CSMD1: variants seen among roughly 807,000 people sequenced by gnomAD.
CSMD1 encodes CUB and sushi domain-containing protein 1.
A neutral mutation model predicts 417.5 loss-of-function variants in CSMD1; 213 were observed. That is an observed-to-expected ratio of 0.51 (90% confidence interval 0.46 to 0.57). The LOEUF (loss-of-function observed/expected upper bound fraction) is 0.57, where lower values mean the gene tolerates loss of function less well. Ranked by LOEUF, CSMD1 falls within the 20% of genes least tolerant of loss-of-function variation. The probability of loss-of-function intolerance (pLI) is 0.00; values close to 1 mark genes in which losing one functional copy is unlikely to be tolerated. For synonymous variants in CSMD1, 2,862 were observed against 1,736.8 expected, an observed-to-expected ratio of 1.65 and a Z score of -16.11; for missense variants, 6,923 against 4,529.7, an observed-to-expected ratio of 1.53 and a Z score of -15.17.
intron 6 of CSMD1, among the ~76,000 whole-genome samples, chr8:3,729,958 A>C (rs1344884023): frequency 2.5e-4 from 3 of 12,124 alleles, no homozygotes; most frequent in African/African-American, 4.2e-4. Context: ...AAAAAAAAAA[A>C]AAACAAAAAC....
chr8:4,237,792 C>CA (rs1221777675), intron 3 of CSMD1, among the ~76,000 whole-genome samples: 1 of 152,184 alleles, frequency 6.6e-6, no homozygotes, highest in Non-Finnish European at 1.5e-5. Context: ...AGATTGTAGA[C>CA]ATGGGCCACA....
Position 3,586,153 on chromosome 8 carries a change from T to C in CSMD1, c.1205A>G (p.His402Arg). The C allele has an allele frequency of 1.2e-6, 2 of 1,612,800 alleles. No individual in the cohort carries two copies. Among genetic ancestry groups the C allele is most frequent in the South Asian group, 1.1e-5 (1 of 90,884 alleles). ...VTETLAAWSD[H>R]RPICRARTCG... ...TGCCTTACCTCGGCAGATGGGCCTG[T>C]GGTCACTCCAAGCAGCGAGCGTCTC... is the stretch of plus-strand genomic sequence containing the variant. Residue 402 changes from histidine (H) to arginine (R), a missense_variant, in exon 9 of 70, where the codon CAC becomes CGC. Physicochemically the swap from His to Arg is conservative, Grantham distance 29. Coordinates refer to ENST00000635120, the MANE Select transcript of CSMD1 (RefSeq NM_033225.6).
chr8:4,162,041 A>C (rs540342721), intron 3 of CSMD1, among the ~76,000 whole-genome samples: 28 of 152,312 alleles, frequency 1.8e-4, no homozygotes, highest in African/African-American at 6.5e-4. Context: ...TAAACTAAGC[A>C]ATTTCCCTTA....
In CSMD1 at chr8:3,866,882, C is replaced by A. The variant is rs988366559; in HGVS notation, c.819-112840G>T. Among the ~76,000 whole-genome samples, 6 of 152,266 alleles carry A rather than the reference C, an allele frequency of 3.9e-5. No homozygotes were observed. In the Middle Eastern group the frequency reaches 0.01, roughly 259 times the overall value. On this transcript the variant is annotated intron_variant, in intron 5 of 69. Coordinates refer to ENST00000635120, the MANE Select transcript of CSMD1 (RefSeq NM_033225.6). ...TAGGACTCCAGTTCTGCTGCAAATC[C>A]TCCTGCAAGACATGGTGATGTTTTC... is the stretch of plus-strand genomic sequence containing the variant.
intron 5 of CSMD1, among the ~76,000 whole-genome samples, chr8:3,979,500 A>T (rs1050449358): frequency 6.6e-6 from 1 of 152,152 alleles, no homozygotes; most frequent in Non-Finnish European, 1.5e-5. Flanking sequence ...GTCACTCCAA[A>T]ATTCATATAC....
At chr8:4,057,993 C>G (rs532713435) in intron 3 of CSMD1, among the ~76,000 whole-genome samples, 2 of 151,308 alleles carry the variant, frequency 1.3e-5, no homozygotes, top group Admixed American at 1.3e-4. Flanking sequence ...GTTCTTTTGC[C>G]TTAGGATTGA....
chr8:3,903,216 G>A, intron 5 of CSMD1, among the ~76,000 whole-genome samples: 1 of 152,178 alleles, frequency 6.6e-6, no homozygotes, highest in South Asian at 2.1e-4. Context: ...CTCTGCACCA[G>A]TGGCCTCTAA....
At chr8:4,449,658 A>C (rs548679982) in intron 2 of CSMD1, among the ~76,000 whole-genome samples, 4 of 152,278 alleles carry the variant, frequency 2.6e-5, no homozygotes, top group African/African-American at 7.2e-5. Context: ...TCATGAACAT[A>C]ATCAGCCTGA....
chr8:3,101,794 T>C (rs1346944747), intron 46 of CSMD1, among the ~76,000 whole-genome samples: 1 of 123,506 alleles, frequency 8.1e-6, no homozygotes, highest in Non-Finnish European at 1.6e-5. Flanking sequence ...TGTTTCTTTC[T>C]TTTTCTTTTT....
At chr8:3,683,317 G>T (rs558959908) in intron 7 of CSMD1, among the ~76,000 whole-genome samples, 1 of 152,102 alleles carries the variant, frequency 6.6e-6, no homozygotes, top group Non-Finnish European at 1.5e-5. Context: ...TCAAGGCAAA[G>T]TTCTTTCATT....
chr8:4,978,513 G>T (rs1314823994), intron 1 of CSMD1, among the ~76,000 whole-genome samples: 1 of 152,146 alleles, frequency 6.6e-6, no homozygotes, highest in African/African-American at 2.4e-5. Flanking sequence ...CCTTGAAAAA[G>T]CTAACAGATT....
At chr8:4,307,910 T>C (rs1420288993) in intron 3 of CSMD1, among the ~76,000 whole-genome samples, 1 of 152,104 alleles carries the variant, frequency 6.6e-6, no homozygotes. Flanking sequence ...GGCACGTTTT[T>C]AGCAAGAGGA....
chr8:4,745,347 A>C (rs1345488343), intron 1 of CSMD1, among the ~76,000 whole-genome samples: 1 of 152,212 alleles, frequency 6.6e-6, no homozygotes, highest in Non-Finnish European at 1.5e-5. Flanking sequence ...AATGCTATAC[A>C]GTTTAGTTAC....
intron 2 of CSMD1, among the ~76,000 whole-genome samples, chr8:4,425,616 C>A (rs1391325567): frequency 1.3e-5 from 2 of 152,128 alleles, no homozygotes; most frequent in African/African-American, 4.8e-5. Context: ...GTATCCTTTC[C>A]ATGAGGGCCC....
At chr8:4,343,465 T>C (rs1417644139) in intron 3 of CSMD1, among the ~76,000 whole-genome samples, 1 of 152,158 alleles carries the variant, frequency 6.6e-6, no homozygotes, top group Non-Finnish European at 1.5e-5. Context: ...ATATGTTACT[T>C]AGCTTGATCA....
chr8:4,843,647 T>A (rs985934791), intron 1 of CSMD1, among the ~76,000 whole-genome samples: 3 of 152,192 alleles, frequency 2.0e-5, no homozygotes, highest in African/African-American at 7.2e-5. Flanking sequence ...TCTGCCTGAA[T>A]CTTATTAAAT....
intron 2 of CSMD1, among the ~76,000 whole-genome samples, chr8:4,479,992 CA>C (rs1269214774): frequency 2.0e-5 from 3 of 148,932 alleles, no homozygotes; most frequent in African/African-American, 4.9e-5. Context: ...AAAAAGTCAA[CA>C]AAAAAAAGCA....
intron 5 of CSMD1, among the ~76,000 whole-genome samples, chr8:3,803,100 T>G (rs1182916502): frequency 6.6e-6 from 1 of 152,186 alleles, no homozygotes; most frequent in East Asian, 1.9e-4. Flanking sequence ...CAAAATGCAG[T>G]GTTCTCTCCA....
chr8:4,095,048 A>G (rs1247834544), intron 3 of CSMD1, among the ~76,000 whole-genome samples: 1 of 152,214 alleles, frequency 6.6e-6, no homozygotes, highest in Non-Finnish European at 1.5e-5. Context: ...TCATGTAAGT[A>G]GTTGAGCTTT....
Sources: gnomAD v4.1 joint callset for allele counts (sites outside exome capture counted in the v4.1 genomes callset) on GRCh38, gnomAD v4.1.1 for gene constraint, MANE v1.5 for transcripts, NCBI Gene and HGNC (gene_info 2026-07-23, HGNC 2026-07-21) for gene names.